ANKS6: variants seen among roughly 807,000 people sequenced by gnomAD.
ANKS6 encodes the protein ankyrin repeat and SAM domain-containing protein 6.
A neutral mutation model predicts 77.9 loss-of-function variants in ANKS6; 47 were observed. The ratio of observed to expected loss-of-function variants is 0.60; its 90% CI spans 0.48 to 0.77. The LOEUF is 0.77. ANKS6 is among the 30% of genes least tolerant of loss of function. The pLI is 0.00. For synonymous variants in ANKS6, 488 were observed against 501.7 expected (o/e 0.97, Z 0.37); for missense variants, 1,150 against 1,159.1 (o/e 0.99, Z 0.11).
intron 9 of ANKS6, among the ~76,000 whole-genome samples, chr9:98,771,523 C>A (rs967367542): frequency 2.6e-5 from 4 of 152,156 alleles, no homozygotes; most frequent in African/African-American, 9.7e-5. Context: ...CTTTCCTGGC[C>A]CCATTGTCCC....
In ANKS6 at chr9:98,780,211, G is replaced by C; in HGVS notation, c.1346C>G (p.Pro449Arg). 1.2e-6 allele frequency: 2 copies of C among 1,614,058 alleles called. No homozygotes were observed. The highest frequency in any genetic ancestry group is 2.2e-5 in the South Asian group (2 of 91,042). ...VRQPWSIPVL[P>R]DDKGGLKSWW... ...AACCTTCAGTCCACCCTTGTCATCG[G>C]GCAGCACTGGGATGCTCCAGGGCTG... Residue 449 changes from proline to arginine, a missense_variant, in exon 6 of 15, where the codon CCC (proline) becomes CGC (arginine). Coordinates refer to ENST00000353234, the MANE Select transcript of ANKS6 (RefSeq NM_173551.5).
In ANKS6 at chr9:98,746,060, C is replaced by G. The variant is rs192260190; in HGVS notation, c.2395-385G>C. On this transcript the variant is annotated intron_variant, in intron 13 of 14. Coordinates refer to ENST00000353234, the MANE Select transcript of ANKS6 (RefSeq NM_173551.5). Reference sequence around the variant, plus strand: ...TGTACAAACGTATGGCAGTACTCACCTCATCTCCCTCACCACGCACGAGAC... The same window carrying G: ...TGTACAAACGTATGGCAGTACTCACGTCATCTCCCTCACCACGCACGAGAC... 797 of 184,076 alleles carry G rather than the reference C, an allele frequency of 4.3e-3. 4 individuals are homozygous for G. The highest frequency in any genetic ancestry group is 7.2e-3 in the Non-Finnish European group (634 of 87,696). 11.4% of individuals were successfully genotyped at this position (184,076 alleles called of 1,614,324 possible).
Position 98,784,020 on chromosome 9 carries a change from G to T in ANKS6, c.1045C>A (p.His349Asn). ...CTGTCCTGCTTGTCAACATCCGCGT[G>T]CCTCTCCACCAGCAGCTGCACCAGA... ...LALVQLLVER[H>N]ADVDKQDSVH... The change falls in exon 4 of 15, where the codon CAC becomes AAC. Residue 349 changes from histidine (H) to asparagine (N), a missense_variant. His to Asn is a moderately conservative substitution (Grantham distance 68). Transcript: ENST00000353234. 1 of 1,611,206 alleles carries T rather than the reference G, an allele frequency of 6.2e-7. No individual in the cohort carries two copies.
chr9:98,746,208 G>C (rs1360483098), intron 13 of ANKS6: 1 of 153,224 alleles, frequency 6.5e-6, no homozygotes, highest in African/African-American at 2.4e-5. Context: ...TGGTTTCTAT[G>C]GGTGAGATCC....
intron 11 of ANKS6, among the ~76,000 whole-genome samples, chr9:98,762,768 G>A (rs1833085438): frequency 6.6e-6 from 1 of 151,884 alleles, no homozygotes; most frequent in Non-Finnish European, 1.5e-5. Context: ...TTTAATCATG[G>A]GATTAGATTT....
In ANKS6 at chr9:98,758,580, G is replaced by A. The variant is rs778451880; in HGVS notation, c.2143-1977C>T. Among the ~76,000 whole-genome samples, 6 of 152,188 alleles carry A rather than the reference G, an allele frequency of 3.9e-5. No individual in the cohort carries two copies. In the South Asian group the frequency reaches 1.0e-3, roughly 26 times the overall value. On this transcript the variant is annotated intron_variant, in intron 11 of 14. Transcript: ENST00000353234. ...GAGCAAAGACATATATACACTAACCGATGTATACACACATAGCCATATCTA... is the reference window on the plus strand; with the variant it reads ...GAGCAAAGACATATATACACTAACCAATGTATACACACATAGCCATATCTA...
At chr9:98,794,472 A>C (rs1476454441) in intron 1 of ANKS6, among the ~76,000 whole-genome samples, 1 of 151,848 alleles carries the variant, frequency 6.6e-6, no homozygotes, top group Non-Finnish European at 1.5e-5. Flanking sequence ...CATATATACT[A>C]CTCCTCAACT....
rs1832404643 is a variant in ANKS6 at position 98,751,089 on chromosome 9, CAGTT to C, written c.2330_2333del (p.Glu777GlyfsTer30). On this transcript the variant is annotated frameshift_variant, in exon 13 of 15. Coordinates refer to ENST00000353234, the MANE Select transcript of ANKS6 (RefSeq NM_173551.5). LOFTEE classifies it high-confidence loss of function. ...GTGATAATTTCTTAAGGATTCCAGT[CAGTT>C]CATCTTCAAGATGGAAAGGTGAAAA... 6.2e-7 allele frequency: 1 copy of C among 1,606,568 alleles called. No individual in the cohort carries two copies. Among genetic ancestry groups the C allele is most frequent in the African/African-American group, 1.3e-5 (1 of 74,586 alleles).
Position 98,732,690 on chromosome 9 carries a change from T to TG in ANKS6, c.*3828dup. 1 of 1,472,216 alleles carries TG rather than the reference T, an allele frequency of 6.8e-7. No homozygotes were observed. Among genetic ancestry groups the TG allele is most frequent in the Non-Finnish European group, 9.0e-7 (1 of 1,115,342 alleles). 91.2% of individuals were successfully genotyped at this position (1,472,216 alleles called of 1,614,324 possible). ...GGCTTTCTCACTTTCACATGATCCCTGGGGGCTACTATCCCCCTGTAACCA... is the reference window on the plus strand; with the variant it reads ...GGCTTTCTCACTTTCACATGATCCCTGGGGGGCTACTATCCCCCTGTAACCA... On this transcript the variant is annotated 3_prime_UTR_variant, in exon 15 of 15. Transcript: ENST00000353234.
rs1831290404 is a variant in ANKS6, at chr9:98,733,091, T to A, written c.*3428A>T. 1.2e-6 allele frequency: 1 copy of A among 839,986 alleles called. No individual in the cohort carries two copies. 52.0% of individuals were successfully genotyped at this position (839,986 alleles called of 1,614,324 possible). A position where few individuals can be genotyped will look rare whatever the true frequency, so the allele number is the denominator to read the frequency against. ...ATCTCACCGACATGATTGTCTCCTC[T>A]AAGATACTGTGGGGTTCCCTTGAGG... On this transcript the variant is annotated 3_prime_UTR_variant, in exon 15 of 15. Transcript: ENST00000353234.
At chr9:98,750,952 A>T in intron 13 of ANKS6, 77 bp downstream of exon 13, 1 of 1,214,688 alleles carries the variant, frequency 8.2e-7, no homozygotes, top group South Asian at 1.3e-5. Context: ...AGGCTTGCAA[A>T]ATGAAAACCT....
chr9:98,793,809 A>C (rs187433087), intron 1 of ANKS6, among the ~76,000 whole-genome samples: 2,473 of 150,830 alleles, frequency 0.016, 60 homozygotes, highest in African/African-American at 0.057. Flanking sequence ...CTGGGATTAC[A>C]GGCGTGAGCC....
intron 9 of ANKS6, 119 bp from the exon 10 acceptor site, chr9:98,771,165 C>G: frequency 8.5e-7 from 1 of 1,183,100 alleles, no homozygotes; most frequent in Non-Finnish European, 1.1e-6. Context: ...GCTCGCTGTG[C>G]CCAGCATGGC....
In ANKS6 at chr9:98,785,129, T is replaced by C. The variant is rs7860682; in HGVS notation, c.863-253A>G. On this transcript the variant is annotated intron_variant, in intron 2 of 14. Coordinates refer to ENST00000353234, the MANE Select transcript of ANKS6 (RefSeq NM_173551.5). Reference sequence around the variant, plus strand: ...GCAGCAGATCACGGCCCTGATCTCATGCAAATAAAGCAATCATTTTTAGGC... The same window carrying C: ...GCAGCAGATCACGGCCCTGATCTCACGCAAATAAAGCAATCATTTTTAGGC... 0.044 allele frequency among the ~76,000 whole-genome samples: 6,762 copies of C among 152,298 alleles called. 490 individuals are homozygous for C. The highest frequency in any genetic ancestry group is 0.15 in the African/African-American group (6,387 of 41,542).
chr9:98,796,001 C>G, intron 1 of ANKS6, 132 bp downstream of exon 1: 1 of 889,408 alleles, frequency 1.1e-6, no homozygotes, highest in Non-Finnish European at 1.5e-6. Flanking sequence ...AAAGACTACT[C>G]AAAGTTTACC....
In ANKS6 at chr9:98,734,361, T is replaced by A; in HGVS notation, c.*2158A>T. ...ACCCCCCGGTGCAGCTGTGTATCATTGTTCAATCAAACTTACCTGAGTGGA... is the reference window on the plus strand; with the variant it reads ...ACCCCCCGGTGCAGCTGTGTATCATAGTTCAATCAAACTTACCTGAGTGGA... On this transcript the variant is annotated 3_prime_UTR_variant, in exon 15 of 15. Coordinates refer to ENST00000353234, the MANE Select transcript of ANKS6 (RefSeq NM_173551.5). 1 of 985,464 alleles carries A rather than the reference T, an allele frequency of 1.0e-6. No homozygotes were observed. The highest frequency in any genetic ancestry group is 1.2e-6 in the Non-Finnish European group (1 of 829,966). 61.0% of individuals were successfully genotyped at this position (985,464 alleles called of 1,614,324 possible). A position where few individuals can be genotyped will look rare whatever the true frequency, so the allele number is the denominator to read the frequency against.
intron 8 of ANKS6, among the ~76,000 whole-genome samples, chr9:98,776,302 C>G (rs1284502105): frequency 2.0e-5 from 3 of 152,156 alleles, no homozygotes; most frequent in African/African-American, 7.2e-5. Flanking sequence ...GAAATGACAC[C>G]CCTAATGTTC....
intron 13 of ANKS6, among the ~76,000 whole-genome samples, chr9:98,748,488 T>C (rs1203131456): frequency 6.6e-6 from 1 of 152,198 alleles, no homozygotes; most frequent in African/African-American, 2.4e-5. Context: ...AGTTAAGTAT[T>C]GTCAGGTGAT....
intron 6 of ANKS6, among the ~76,000 whole-genome samples, chr9:98,778,945 C>T (rs558767516): frequency 1.4e-4 from 22 of 152,310 alleles, no homozygotes; most frequent in African/African-American, 4.1e-4. Context: ...CTCCTGGGAA[C>T]GCTTGTAACC....
Sources: allele counts gnomAD v4.1 joint callset (sites outside exome capture counted in the v4.1 genomes callset), GRCh38; gene constraint gnomAD v4.1.1; transcripts MANE v1.5; gene names NCBI Gene and HGNC (gene_info 2026-07-23, HGNC 2026-07-21).